Variants in SMG6 observed in about 807,000 individuals in gnomAD.
SMG6 encodes SMG6 nonsense mediated mRNA decay factor, also known as telomerase-binding protein EST1A.
A neutral mutation model predicts 142.2 loss-of-function variants in SMG6; 66 were observed. The ratio of observed to expected loss-of-function variants is 0.46; its 90% CI spans 0.38 to 0.57. The LOEUF (loss-of-function observed/expected upper bound fraction) is 0.57. Ranked by LOEUF, SMG6 falls within the 20% of genes least tolerant of loss-of-function variation. The pLI, the probability that SMG6 is intolerant of heterozygous loss-of-function variation, is 0.00. For missense variants in SMG6, 1,793 were observed against 1,832.0 expected, an observed-to-expected ratio of 0.98 and a Z score of 0.39; for synonymous variants, 779 against 702.4, an observed-to-expected ratio of 1.11 and a Z score of -1.72.
chr17:2,145,720 C>T (rs2070649157), intron 13 of SMG6, among the ~76,000 whole-genome samples: 1 of 149,934 alleles, frequency 6.7e-6, no homozygotes, highest in African/African-American at 2.5e-5. Context: ...GATGTACCTC[C>T]AGAAATAAAA....
chr17:2,206,683 C>T (rs762905987), intron 10 of SMG6, among the ~76,000 whole-genome samples: 2 of 151,986 alleles, frequency 1.3e-5, no homozygotes, highest in African/African-American at 4.8e-5. Flanking sequence ...GAGTTCAAGA[C>T]CAGAGGCCAG....
intron 1 of SMG6, among the ~76,000 whole-genome samples, chr17:2,301,851 T>A (rs1192050161): frequency 1.3e-5 from 2 of 152,042 alleles, no homozygotes; most frequent in African/African-American, 4.8e-5. Context: ...TCTGGTTTTT[T>A]AAAAAAGTAT....
At chr17:2,158,658 C>T (rs1349496308) in intron 13 of SMG6, among the ~76,000 whole-genome samples, 1 of 152,124 alleles carries the variant, frequency 6.6e-6, no homozygotes, top group East Asian at 1.9e-4. Context: ...TGGCTCATGC[C>T]TATAATCCCA....
At position 2,300,510 on chromosome 17, in the gene SMG6, G is replaced by A; in HGVS notation, c.243C>T (p.Asp81=). The change falls in exon 2 of 19, where the codon GAC becomes GAT. Residue 81 remains aspartate (D), a synonymous_variant. Coordinates refer to ENST00000263073, the MANE Select transcript of SMG6 (RefSeq NM_017575.5). ...CATTTTCAACAGCAGAGCAATCTCG[G>A]TCATTAACAATTTCATCTTTGAATT... ...SEEFKDEIVN[D]RDCSAVENGT... 1.9e-6 allele frequency: 3 copies of A among 1,614,092 alleles called. No individual in the cohort carries two copies. The highest frequency in any genetic ancestry group is 2.5e-6 in the Non-Finnish European group (3 of 1,179,996).
At chr17:2,198,092 A>C (rs2072387970) in intron 10 of SMG6, among the ~76,000 whole-genome samples, 3 of 152,242 alleles carry the variant, frequency 2.0e-5, no homozygotes, top group Non-Finnish European at 4.4e-5. Flanking sequence ...ATGTCTTTCC[A>C]CAGGTGAATG....
At chr17:2,165,306 G>C (rs1202066931) in intron 13 of SMG6, among the ~76,000 whole-genome samples, 1 of 151,348 alleles carries the variant, frequency 6.6e-6, no homozygotes, top group Non-Finnish European at 1.5e-5. Context: ...CTGAAAACTA[G>C]ACATGAGCGA....
intron 13 of SMG6, among the ~76,000 whole-genome samples, chr17:2,141,991 T>C (rs1211997992): frequency 1.3e-5 from 2 of 152,198 alleles, no homozygotes; most frequent in Non-Finnish European, 2.9e-5. Flanking sequence ...GTACTTCAGG[T>C]AGAAGAAACT....
At chr17:2,253,452 C>T (rs2074094764) in intron 8 of SMG6, among the ~76,000 whole-genome samples, 1 of 152,128 alleles carries the variant, frequency 6.6e-6, no homozygotes, top group African/African-American at 2.4e-5. Flanking sequence ...AAAAAAATGT[C>T]TGCTGATACC....
chr17:2,114,964 T>TAAAATAAAATAAAATAAAATAAAATAAA (rs58282463), intron 13 of SMG6, among the ~76,000 whole-genome samples: 1 of 59,578 alleles, frequency 1.7e-5, no homozygotes, highest in African/African-American at 7.5e-5. Flanking sequence ...AAAAATGAAA[T>TAAAATAAAATAAAATAAAATAAAATAAA]GAAATGAAAT....
chr17:2,207,865 T>C (rs1337373203), intron 10 of SMG6, among the ~76,000 whole-genome samples: 2 of 152,224 alleles, frequency 1.3e-5, no homozygotes, highest in Admixed American at 6.5e-5. Flanking sequence ...AACTTTATTT[T>C]CTTGGTGAGA....
chr17:2,116,129 G>A (rs2069498184), intron 13 of SMG6, among the ~76,000 whole-genome samples: 1 of 152,066 alleles, frequency 6.6e-6, no homozygotes, highest in South Asian at 2.1e-4. Flanking sequence ...AGAGTGCAGT[G>A]GCATGATCTT....
intron 13 of SMG6, among the ~76,000 whole-genome samples, chr17:2,131,866 G>A (rs1342717551): frequency 6.6e-6 from 1 of 152,072 alleles, no homozygotes; most frequent in African/African-American, 2.4e-5. Flanking sequence ...GAGGACACGA[G>A]TTCAAGACCA....
chr17:2,088,431 T>C (rs577359300), intron 13 of SMG6: 1 of 985,350 alleles, frequency 1.0e-6, no homozygotes, highest in East Asian at 1.1e-4. Flanking sequence ...CCTCTCCCAG[T>C]TTTCATTTCC....
intron 9 of SMG6, among the ~76,000 whole-genome samples, chr17:2,240,999 C>G (rs1453575357): frequency 6.6e-6 from 1 of 152,194 alleles, no homozygotes; most frequent in Non-Finnish European, 1.5e-5. Flanking sequence ...TTCCCTGCAA[C>G]AGAAATGTTA....
chr17:2,091,384 G>A (rs1385431490), intron 13 of SMG6, among the ~76,000 whole-genome samples: 1 of 152,104 alleles, frequency 6.6e-6, no homozygotes, highest in East Asian at 1.9e-4. Flanking sequence ...AGGATGGGGA[G>A]ACAGACATTC....
chr17:2,296,675 A>G (rs1001480576), intron 4 of SMG6, among the ~76,000 whole-genome samples: 2 of 152,190 alleles, frequency 1.3e-5, no homozygotes, highest in South Asian at 2.1e-4. Context: ...ACTGTCTTCC[A>G]TGAAACTAGT....
intron 4 of SMG6, 95 bp from the exon 5 acceptor site, chr17:2,293,072 C>T (rs1292546450): frequency 3.5e-6 from 3 of 864,234 alleles, no homozygotes; most frequent in Admixed American, 1.8e-5. Context: ...ATGTAGCACT[C>T]GTAAGGCACT....
At chr17:2,112,301 G>A (rs28672800) in intron 13 of SMG6, among the ~76,000 whole-genome samples, 6 of 151,464 alleles carry the variant, frequency 4.0e-5, no homozygotes, top group African/African-American at 9.7e-5. Flanking sequence ...TCAGGAGATC[G>A]AGACCATCAT....
At chr17:2,251,431 T>A (rs1369906418) in intron 8 of SMG6, among the ~76,000 whole-genome samples, 1 of 152,112 alleles carries the variant, frequency 6.6e-6, no homozygotes, top group Non-Finnish European at 1.5e-5. Context: ...CTTTACTTCC[T>A]CCACTCCAGA....
Sources: gnomAD v4.1 joint callset for allele counts (sites outside exome capture counted in the v4.1 genomes callset) on GRCh38, gnomAD v4.1.1 for gene constraint, MANE v1.5 for transcripts, NCBI Gene and HGNC (gene_info 2026-07-23, HGNC 2026-07-21) for gene names.